OSBPL10: variants seen among roughly 807,000 people sequenced by gnomAD.
OSBPL10 encodes oxysterol-binding protein-related protein 10.
OSBPL10 carries 49 observed loss-of-function variants against 81.7 expected under a neutral mutation model. That is an observed-to-expected ratio of 0.60 (90% CI 0.48 to 0.76). The LOEUF (loss-of-function observed/expected upper bound fraction) is 0.76, where lower values mean the gene tolerates loss of function less well. Among genes scored for constraint, OSBPL10 ranks in the 30% least tolerant of loss-of-function variants. OSBPL10 has a pLI of 0.00. For missense variants in OSBPL10, 923 were observed against 987.8 expected, an observed-to-expected ratio of 0.93 and a Z score of 0.88; for synonymous variants, 419 against 383.6, an observed-to-expected ratio of 1.09 and a Z score of -1.08.
At chr3:31,843,863 G>A (rs1700564395) in intron 3 of OSBPL10, among the ~76,000 whole-genome samples, 2 of 152,168 alleles carry the variant, frequency 1.3e-5, no homozygotes, top group Admixed American at 1.3e-4. Context: ...CATGTTAACA[G>A]CTCCACAGTC....
At chr3:31,679,332 C>A (rs1233909707) in intron 8 of OSBPL10, among the ~76,000 whole-genome samples, 1 of 152,186 alleles carries the variant, frequency 6.6e-6, no homozygotes, top group Non-Finnish European at 1.5e-5. Context: ...GAGGACTTCA[C>A]GCACATGTCT....
chr3:32,048,740 A>G (rs532705655), intron 1 of OSBPL10, among the ~76,000 whole-genome samples: 25 of 152,304 alleles, frequency 1.6e-4, no homozygotes, highest in African/African-American at 5.8e-4. Flanking sequence ...GGGGCTGGGT[A>G]AAATAAGGCT....
intron 4 of OSBPL10, among the ~76,000 whole-genome samples, chr3:31,813,399 C>T (rs116635726): frequency 2.7e-3 from 410 of 152,312 alleles, no homozygotes; most frequent in African/African-American, 9.4e-3. Flanking sequence ...TTGAAGCCTA[C>T]ACCAGTTACT....
At chr3:31,857,809 A>AC in intron 3 of OSBPL10, among the ~76,000 whole-genome samples, 1 of 35,402 alleles carries the variant, frequency 2.8e-5, no homozygotes, top group South Asian at 5.3e-4. Context: ...AAAGGGAGAG[A>AC]GAGAGAAAGG....
intron 6 of OSBPL10, chr3:31,704,246 T>C (rs1695989950): frequency 6.6e-6 from 1 of 152,416 alleles, no homozygotes; most frequent in South Asian, 2.1e-4. Flanking sequence ...TCAGGTCAGT[T>C]TGAAAGTGGG....
chr3:31,846,632 C>CAATA (rs71097451), intron 3 of OSBPL10, among the ~76,000 whole-genome samples: 2,095 of 149,154 alleles, frequency 0.014, 23 homozygotes, highest in South Asian at 0.047. Context: ...AACTCCATCT[C>CAATA]AATAAATAAA....
rs576236309 is a variant in OSBPL10, at chr3:32,011,172, C to A, written n.298+35319G>T. Reference sequence around the variant, plus strand: ...AGTGGGTCCCTGACCCCCGAGTAGCCTAACTGGGAGGCACCCCCCAGTAGG... The same window carrying A: ...AGTGGGTCCCTGACCCCCGAGTAGCATAACTGGGAGGCACCCCCCAGTAGG... On this transcript the variant is annotated intron_variant and non_coding_transcript_variant, in intron 2 of 3. Transcript: ENST00000479173. 1.2e-3 allele frequency among the ~76,000 whole-genome samples: 183 copies of A among 152,342 alleles called. 1 individual carries two copies. The highest frequency in any genetic ancestry group is 4.1e-3 in the African/African-American group (169 of 41,584).
chr3:31,965,331 C>T (rs1471705739), intron 1 of OSBPL10, among the ~76,000 whole-genome samples: 1 of 140,608 alleles, frequency 7.1e-6, no homozygotes, highest in East Asian at 2.0e-4. Context: ...GATCGCACTA[C>T]TGCACTCCAG....
rs79486548 is a variant in OSBPL10, at chr3:31,787,206, T to C, written c.730-39086A>G. ...TCACAAGGAATTCGGTTTGCCAATA[T>C]TCATTCTTTTAAAGTCCTAAAAATT... On this transcript the variant is annotated intron_variant, in intron 4 of 11. Transcript: ENST00000396556. Among the ~76,000 whole-genome samples, 722 of 152,344 alleles carry C rather than the reference T, an allele frequency of 4.7e-3. 4 individuals carry two copies. The highest frequency in any genetic ancestry group is 0.016 in the African/African-American group (670 of 41,572).
intron 2 of OSBPL10, among the ~76,000 whole-genome samples, chr3:32,038,466 C>T (rs928290637): frequency 2.0e-5 from 3 of 152,114 alleles, no homozygotes; most frequent in African/African-American, 7.2e-5. Context: ...GGATTACAGG[C>T]GTGTGCCACC....
At chr3:31,802,435 G>A (rs1292224587) in intron 4 of OSBPL10, among the ~76,000 whole-genome samples, 6 of 151,034 alleles carry the variant, frequency 4.0e-5, no homozygotes, top group Admixed American at 2.6e-4. Flanking sequence ...GCATGGTGGC[G>A]GGCACCTGTA....
intron 4 of OSBPL10, among the ~76,000 whole-genome samples, chr3:31,812,795 A>G (rs550964727): frequency 7.3e-5 from 4 of 54,892 alleles, no homozygotes; most frequent in African/African-American, 1.6e-4. Flanking sequence ...AGAAAGAAAG[A>G]AAGAAAGAAA....
intron 5 of OSBPL10, among the ~76,000 whole-genome samples, chr3:31,745,624 G>A (rs1013154695): frequency 3.3e-5 from 5 of 152,152 alleles, no homozygotes; most frequent in Non-Finnish European, 5.9e-5. Flanking sequence ...CCGGGAAGAC[G>A]CCTGCCACAG....
intron 1 of OSBPL10, among the ~76,000 whole-genome samples, chr3:31,976,755 C>A (rs1698703728): frequency 6.6e-6 from 1 of 152,166 alleles, no homozygotes; most frequent in Admixed American, 6.5e-5. Flanking sequence ...ATGCACCCAG[C>A]CTTGTCTTCC....
At chr3:31,991,188 G>A (rs1222174536) in intron 2 of OSBPL10, 8 of 581,050 alleles carry the variant, frequency 1.4e-5, no homozygotes, top group Admixed American at 1.3e-4. Flanking sequence ...GCTTATACCT[G>A]TAATCCCAGC....
chr3:31,976,882 A>C (rs1698707583), intron 1 of OSBPL10, among the ~76,000 whole-genome samples: 2 of 152,226 alleles, frequency 1.3e-5, no homozygotes, highest in African/African-American at 4.8e-5. Context: ...TCTTTTCTCC[A>C]AATAAGAAAA....
chr3:31,666,583 C>T (rs2125502882), intron 10 of OSBPL10, among the ~76,000 whole-genome samples: 1 of 152,286 alleles, frequency 6.6e-6, no homozygotes, highest in East Asian at 1.9e-4. Context: ...GTTTCCTCTG[C>T]AGAGAACAAG....
chr3:31,679,957 G>A (rs994159589), intron 8 of OSBPL10, among the ~76,000 whole-genome samples: 1 of 152,268 alleles, frequency 6.6e-6, no homozygotes, highest in Admixed American at 6.5e-5. Context: ...AGTTACCCGA[G>A]TATTCTAACC....
intron 2 of OSBPL10, among the ~76,000 whole-genome samples, chr3:32,026,061 A>AGATGATAGATAGATGATT (rs71628593): frequency 8.8e-5 from 8 of 90,814 alleles, no homozygotes; most frequent in Middle Eastern, 6.3e-3. Flanking sequence ...GATAGATGAT[A>AGATGATAGATAGATGATT]GATAGATAGA....
Sources: gnomAD v4.1 joint callset for allele counts (sites outside exome capture counted in the v4.1 genomes callset) on GRCh38, gnomAD v4.1.1 for gene constraint, MANE v1.5 for transcripts, NCBI Gene and HGNC (gene_info 2026-07-23, HGNC 2026-07-21) for gene names.